Variants in KCNN2 observed in about 807,000 individuals in gnomAD.
KCNN2 encodes the protein small conductance calcium-activated potassium channel protein 2.
KCNN2 carries 24 observed loss-of-function variants against 55.5 expected under a neutral mutation model. The observed-to-expected ratio is 0.43, with a 90% confidence interval of 0.31 to 0.61. The LOEUF is 0.61. Ranked by LOEUF, KCNN2 falls within the 20% of genes least tolerant of loss-of-function variation. KCNN2 has a pLI of 0.08. For missense variants in KCNN2, 754 were observed against 853.6 expected (o/e 0.88, Z 1.45); for synonymous variants, 431 against 336.1 (o/e 1.28, Z -3.09).
intron 1 of KCNN2, among the ~76,000 whole-genome samples, chr5:114,166,138 C>G (rs753768235): frequency 3.9e-5 from 6 of 152,118 alleles, no homozygotes; most frequent in Admixed American, 6.6e-5. Context: ...GAACCACCCT[C>G]CTCGGCCTCC....
At chr5:114,085,051 GACATAT>G (rs1689095816) in intron 1 of KCNN2, among the ~76,000 whole-genome samples, 3 of 69,842 alleles carry the variant, frequency 4.3e-5, no homozygotes, top group African/African-American at 1.5e-4. Flanking sequence ...TATATATAGA[GACATAT>G]ATATATATAT....
chr5:114,317,231 ATT>A (rs1164491163), intron 2 of KCNN2, among the ~76,000 whole-genome samples: 1 of 145,702 alleles, frequency 6.9e-6, no homozygotes, highest in African/African-American at 2.5e-5. Flanking sequence ...TATTGATCCA[ATT>A]TTTTTTTTTT....
At chr5:114,278,081 G>C in intron 2 of KCNN2, among the ~76,000 whole-genome samples, 1 of 152,052 alleles carries the variant, frequency 6.6e-6, no homozygotes, top group East Asian at 1.9e-4. Flanking sequence ...TTAGGTTTCT[G>C]TTTGTTAGGA....
At chr5:114,182,597 A>G (rs1753261749) in intron 1 of KCNN2, among the ~76,000 whole-genome samples, 1 of 152,098 alleles carries the variant, frequency 6.6e-6, no homozygotes, top group Admixed American at 6.5e-5. Context: ...GATCTCTCCT[A>G]AACCTATTTC....
intron 1 of KCNN2, among the ~76,000 whole-genome samples, chr5:114,102,330 A>G (rs1331984931): frequency 2.0e-5 from 3 of 150,654 alleles, no homozygotes; most frequent in African/African-American, 4.9e-5. Context: ...TAGATTCTGG[A>G]TATTAGCCCT....
intron 3 of KCNN2, among the ~76,000 whole-genome samples, chr5:114,415,293 C>T (rs1262188206): frequency 1.3e-5 from 2 of 152,196 alleles, no homozygotes; most frequent in African/African-American, 2.4e-5. Context: ...GCACACAATT[C>T]TCTGGATGAA....
chr5:114,351,538 C>A (rs1228061353), intron 2 of KCNN2, among the ~76,000 whole-genome samples: 1 of 151,658 alleles, frequency 6.6e-6, no homozygotes, highest in Non-Finnish European at 1.5e-5. Context: ...AAGGGAAAAG[C>A]CATTTAGTCT....
chr5:114,164,179 A>C (rs932576339), intron 1 of KCNN2, among the ~76,000 whole-genome samples: 1 of 152,234 alleles, frequency 6.6e-6, no homozygotes, highest in Admixed American at 6.5e-5. Flanking sequence ...ACTTGCAAGT[A>C]AGATATATTT....
At chr5:114,454,894 G>A (rs768359086) in intron 3 of KCNN2, among the ~76,000 whole-genome samples, 17 of 152,182 alleles carry the variant, frequency 1.1e-4, no homozygotes, top group Admixed American at 3.3e-4. Context: ...TTGTGCCTTC[G>A]AATTGGGGGT....
At chr5:114,203,939 A>G (rs1288605919) in intron 1 of KCNN2, among the ~76,000 whole-genome samples, 2 of 152,204 alleles carry the variant, frequency 1.3e-5, no homozygotes, top group Non-Finnish European at 2.9e-5. Flanking sequence ...TACAAACATT[A>G]TCTCCTTTAG....
chr5:114,469,677 G>A (rs982185879), intron 4 of KCNN2, among the ~76,000 whole-genome samples: 5 of 152,064 alleles, frequency 3.3e-5, no homozygotes, highest in Non-Finnish European at 7.4e-5. Flanking sequence ...AAACGGAATC[G>A]TCCTGGAAAT....
intron 2 of KCNN2, among the ~76,000 whole-genome samples, chr5:114,390,014 C>T (rs1758409502): frequency 6.6e-6 from 1 of 152,224 alleles, no homozygotes; most frequent in African/African-American, 2.4e-5. Flanking sequence ...TTTCAATTGC[C>T]TGTGCTTTAA....
intron 1 of KCNN2, among the ~76,000 whole-genome samples, chr5:114,196,248 G>C (rs181110454): frequency 6.6e-6 from 1 of 151,844 alleles, no homozygotes; most frequent in African/African-American, 2.4e-5. Flanking sequence ...TTTTTTTAAT[G>C]TGTGTTTCTG....
At chr5:114,458,743 C>G (rs1167779768) in intron 3 of KCNN2, among the ~76,000 whole-genome samples, 2 of 152,138 alleles carry the variant, frequency 1.3e-5, no homozygotes, top group African/African-American at 4.8e-5. Context: ...TCCTGGGATA[C>G]AGAGAGGGAA....
intron 3 of KCNN2, among the ~76,000 whole-genome samples, chr5:114,451,836 G>T (rs1464029227): frequency 1.3e-5 from 2 of 151,452 alleles, no homozygotes; most frequent in Admixed American, 1.3e-4. Flanking sequence ...GGCGGAGCTT[G>T]CAGTGAGCCA....
chr5:114,394,226 T>C (rs1758546509), intron 2 of KCNN2, among the ~76,000 whole-genome samples: 1 of 152,196 alleles, frequency 6.6e-6, no homozygotes, highest in Non-Finnish European at 1.5e-5. Flanking sequence ...TATCTCATTT[T>C]CTTCTTATGA....
intron 3 of KCNN2, among the ~76,000 whole-genome samples, chr5:114,461,730 GAA>G (rs771915363): frequency 5.6e-5 from 8 of 141,998 alleles, no homozygotes; most frequent in Admixed American, 7.0e-5. Context: ...TGAGGGACAG[GAA>G]AAAAAAAAAA....
At chr5:114,466,597 C>G (rs927191408) in intron 4 of KCNN2, among the ~76,000 whole-genome samples, 5 of 151,846 alleles carry the variant, frequency 3.3e-5, no homozygotes, top group Admixed American at 2.6e-4. Flanking sequence ...TCATCTTATA[C>G]TGGAATTAAG....
At chr5:114,078,734 A>G (rs895564202) in intron 1 of KCNN2, among the ~76,000 whole-genome samples, 10 of 152,150 alleles carry the variant, frequency 6.6e-5, no homozygotes, top group Non-Finnish European at 1.3e-4. Flanking sequence ...TCTGTTATGG[A>G]TAAGATGTAG....
Sources: gnomAD v4.1 joint callset for allele counts (sites outside exome capture counted in the v4.1 genomes callset) on GRCh38, gnomAD v4.1.1 for gene constraint, MANE v1.5 for transcripts, NCBI Gene and HGNC (gene_info 2026-07-23, HGNC 2026-07-21) for gene names.